Variants in ING5 observed in about 807,000 individuals in gnomAD.
ING5 encodes the protein inhibitor of growth family member 5.
In ING5, 17 loss-of-function variants were observed where a neutral mutation model predicts 37.4. The ratio of observed to expected loss-of-function variants is 0.45; its 90% CI spans 0.31 to 0.68. The LOEUF (loss-of-function observed/expected upper bound fraction) is 0.68. Ranked by LOEUF, ING5 falls within the 30% of genes least tolerant of loss-of-function variation. The pLI is 0.05. For missense variants in ING5, 233 were observed against 311.9 expected (o/e 0.75, Z 1.91); for synonymous variants, 123 against 116.6 (o/e 1.06, Z -0.36).
At position 241,724,642 on chromosome 2, in the gene ING5, G is replaced by A. The variant is rs565605021; in HGVS notation, c.681-347G>A. ...TGAGGGGCTGCCATGCTCTCAACGC[G>A]TGCTTGGTACCTGCAGCCCCCACAG... On this transcript the variant is annotated intron_variant, in intron 7 of 7. Coordinates refer to ENST00000313552, the MANE Select transcript of ING5 (RefSeq NM_032329.6). The A allele has an allele frequency of 3.7e-4, 127 of 342,254 alleles. 1 individual carries two copies. Among genetic ancestry groups the A allele is most frequent in the Non-Finnish European group, 5.4e-4 (99 of 182,562 alleles). The allele number at this position is 342,254 out of a possible 1,614,324, so 21.2% of individuals were successfully genotyped here.
chr2:241,697,527 A>G (rs2069648398), upstream of ING5, among the ~76,000 whole-genome samples: 1 of 152,050 alleles, frequency 6.6e-6, no homozygotes, highest in African/African-American at 2.4e-5. Flanking sequence ...CTATTAAGCC[A>G]CGGAAAGGCA....
intron 5 of ING5, among the ~76,000 whole-genome samples, chr2:241,716,898 G>A (rs1284177092): frequency 6.6e-6 from 1 of 152,132 alleles, no homozygotes; most frequent in African/African-American, 2.4e-5. Flanking sequence ...CAGGGGAGAC[G>A]TTGGATACAG....
upstream of ING5, chr2:241,701,918 G>GGCACCGC: frequency 2.7e-6 from 1 of 364,596 alleles, no homozygotes; most frequent in Non-Finnish European, 4.6e-6. Flanking sequence ...CCGCCCGCCG[G>GGCACCGC]AAGCTGAAAG....
chr2:241,723,989 G>T, intron 7 of ING5: 1 of 1,324,082 alleles, frequency 7.6e-7, no homozygotes, highest in South Asian at 1.5e-5. Context: ...CAGCCTGGGC[G>T]AGAGAGCAAG....
intron 3 of ING5, among the ~76,000 whole-genome samples, chr2:241,709,943 A>T (rs1000844585): frequency 1.8e-4 from 27 of 150,994 alleles, no homozygotes; most frequent in African/African-American, 3.4e-4. Flanking sequence ...TATTTATTTT[A>T]TTTATTTATT....
rs1395886180 is a variant in ING5, at chr2:241,725,500, C to A, written c.*469C>A. On this transcript the variant is annotated 3_prime_UTR_variant, in exon 8 of 8. Coordinates refer to ENST00000313552, the MANE Select transcript of ING5 (RefSeq NM_032329.6). ...GGGCCACTGCCGTGGCGGCGGCTGC[C>A]CTCCTCACACTCGGCTCCGCGCCGC... The A allele has an allele frequency of 6.5e-6, 1 of 152,798 alleles. No individual in the cohort carries two copies. Among genetic ancestry groups the A allele is most frequent in the African/African-American group, 2.4e-5 (1 of 41,418 alleles). The allele number at this position is 152,798 out of a possible 1,614,324, so 9.5% of individuals were successfully genotyped here.
rs1243800461 is a variant in ING5, at chr2:241,726,775, T to G, written c.*1744T>G. The G allele has an allele frequency of 6.6e-6, 1 of 151,872 alleles. No homozygotes were observed. Among genetic ancestry groups the G allele is most frequent in the Non-Finnish European group, 1.5e-5 (1 of 68,058 alleles). 9.4% of individuals were successfully genotyped at this position (151,872 alleles called of 1,614,324 possible). Reference sequence around the variant, plus strand: ...ACACCCTTCGCCACGGCTGTGAAACTGGAGATGGGTGGGTTTTGTATGTTA... The same window carrying G: ...ACACCCTTCGCCACGGCTGTGAAACGGGAGATGGGTGGGTTTTGTATGTTA... On this transcript the variant is annotated 3_prime_UTR_variant, in exon 8 of 8. Transcript: ENST00000313552.
exon 1 of ING5, chr2:241,687,712 A>G (rs942302470): frequency 1.1e-5 from 2 of 180,568 alleles, no homozygotes. Context: ...TATTTTTAGT[A>G]GAGACGGGGT....
Position 241,723,916 on chromosome 2 carries a change from G to A in ING5, c.680+645G>A, listed in dbSNP as rs1691498431. On this transcript the variant is annotated intron_variant, in intron 7 of 7. Transcript: ENST00000313552. The stretch of plus-strand genomic sequence containing the variant: ...TCCCAACTACCTGGGAGGCGGAGGC[G>A]GGAGGATGGCTTGAGCCTGGAAGTC... The A allele has an allele frequency of 6.1e-6, 8 of 1,310,428 alleles. No individual in the cohort carries two copies. In the South Asian group the frequency reaches 6.1e-5, roughly 10 times the overall value. 81.2% of individuals were successfully genotyped at this position (1,310,428 alleles called of 1,614,324 possible). A position where few individuals can be genotyped will look rare whatever the true frequency, so the allele number is the denominator to read the frequency against.
chr2:241,723,357 A>G (rs2070475684), intron 7 of ING5, 86 bp downstream of exon 7: 2 of 1,414,378 alleles, frequency 1.4e-6, no homozygotes, highest in Admixed American at 1.7e-5. Flanking sequence ...GCTCCATGGC[A>G]GAATCTTGCC....
upstream of ING5, among the ~76,000 whole-genome samples, chr2:241,701,868 G>T (rs2069733791): frequency 6.6e-6 from 1 of 151,948 alleles, no homozygotes; most frequent in African/African-American, 2.4e-5. Flanking sequence ...CTCGCTGCCC[G>T]ACGCCGCTGC....
chr2:241,711,756 C>T (rs2070117360), intron 4 of ING5: 4 of 574,918 alleles, frequency 7.0e-6, no homozygotes, highest in African/African-American at 1.9e-5. Flanking sequence ...TAAAAATTAG[C>T]CAGGTGTGGT....
chr2:241,693,269 AAAAG>A (rs1452439120), intron 2 of ING5, among the ~76,000 whole-genome samples: 1 of 151,742 alleles, frequency 6.6e-6, no homozygotes, highest in African/African-American at 2.4e-5. Flanking sequence ...AAAAAAAAAA[AAAAG>A]CAAAGCTCCT....
chr2:241,721,743 A>G, intron 5 of ING5: 4 of 985,492 alleles, frequency 4.1e-6, no homozygotes, highest in Non-Finnish European at 4.8e-6. Context: ...CACTGTCTAT[A>G]GTACCTGCAG....
upstream of ING5, among the ~76,000 whole-genome samples, chr2:241,700,975 TTTC>T (rs778668781): frequency 5.3e-3 from 582 of 110,538 alleles, no homozygotes; most frequent in South Asian, 0.019. Flanking sequence ...TTCTTAAAAT[TTTC>T]TTTTTTTTTT....
In ING5 at chr2:241,704,658, G is replaced by A; in HGVS notation, c.43G>A (p.Glu15Lys). Residue 15 changes from glutamate (E) to lysine (K), a missense_variant, in exon 2 of 8, where the codon GAG becomes AAG. Transcript: ENST00000313552. Reference sequence around the variant, plus strand: ...TCTGTGTTTTTGCGTTTCAGGTATCGAGAACCTTCCCTGCGAACTTCAGAG... The same window carrying A: ...TCTGTGTTTTTGCGTTTCAGGTATCAAGAACCTTCCCTGCGAACTTCAGAG... ...MYLEHYLDSI[E>K]NLPCELQRNF... 2 of 1,614,034 alleles carry A rather than the reference G, an allele frequency of 1.2e-6. No individual in the cohort carries two copies. Among genetic ancestry groups the A allele is most frequent in the South Asian group, 1.1e-5 (1 of 91,070 alleles).
chr2:241,703,444 C>A (rs543460560), intron 1 of ING5, among the ~76,000 whole-genome samples: 15 of 152,062 alleles, frequency 9.9e-5, no homozygotes, highest in African/African-American at 3.6e-4. Flanking sequence ...GACGCGAAAG[C>A]AGCACGGGGG....
rs1656521397 is a variant in ING5 at position 241,725,022 on chromosome 2, G to A, written c.714G>A (p.Lys238=). ...FCPRCVQEKR[K]KK ...CACGGTGTGTCCAGGAAAAGAGGAA[G>A]AAGAAGTAGGAGGAGCTGTGTGCCC... The change falls in exon 8 of 8, where the codon AAG becomes AAA. Residue 238 remains lysine, a synonymous_variant. Coordinates refer to ENST00000313552, the MANE Select transcript of ING5 (RefSeq NM_032329.6). 1.9e-6 allele frequency: 3 copies of A among 1,614,140 alleles called. No individual in the cohort carries two copies. In the South Asian group the frequency reaches 3.3e-5, roughly 18 times the overall value.
intron 5 of ING5, chr2:241,720,615 C>T (rs1575139553): frequency 2.0e-6 from 2 of 985,934 alleles, no homozygotes; most frequent in South Asian, 9.4e-5. Context: ...CAGCCAGCCC[C>T]CTGCTAGGAG....
Sources: gnomAD v4.1 joint callset for allele counts (sites outside exome capture counted in the v4.1 genomes callset) on GRCh38, gnomAD v4.1.1 for gene constraint, MANE v1.5 for transcripts, NCBI Gene and HGNC (gene_info 2026-07-23, HGNC 2026-07-21) for gene names.